The following EPS15 variants were observed in gnomAD, a reference collection of about 807,000 sequenced individuals.
EPS15 encodes epidermal growth factor receptor pathway substrate 15, also known as epidermal growth factor receptor substrate 15.
A neutral mutation model predicts 113.8 loss-of-function variants in EPS15; 72 were observed. That is an observed-to-expected ratio of 0.63 (90% CI 0.52 to 0.77). EPS15 has a LOEUF of 0.77. Ranked by LOEUF, EPS15 falls within the 30% of genes least tolerant of loss-of-function variation. The pLI, the probability that EPS15 is intolerant of heterozygous loss-of-function variation, is 0.00. For missense variants in EPS15, 1,048 were observed against 1,045.8 expected, an observed-to-expected ratio of 1.00 and a Z score of -0.03; for synonymous variants, 344 against 363.4, an observed-to-expected ratio of 0.95 and a Z score of 0.61.
intron 21 of EPS15, among the ~76,000 whole-genome samples, chr1:51,384,385 C>A (rs1277613549): frequency 2.1e-5 from 3 of 142,956 alleles, no homozygotes; most frequent in African/African-American, 7.9e-5. Flanking sequence ...ACTGTAATCT[C>A]TGCCTCCTCG....
chr1:51,414,507 G>T (rs572022504), intron 13 of EPS15, among the ~76,000 whole-genome samples: 8 of 151,908 alleles, frequency 5.3e-5, no homozygotes, highest in African/African-American at 1.9e-4. Context: ...ACAATATGCT[G>T]GTCCCAAAAG....
At position 51,356,454 on chromosome 1, in the gene EPS15, G is replaced by T; in HGVS notation, c.*246C>A. On this transcript the variant is annotated 3_prime_UTR_variant, in exon 25 of 25. Transcript: ENST00000371733. ...AGGCAGGCAAAAGCTCACAGTAAATGTATACCAGAACAGGGGCCTAAGTGA... is the reference window on the plus strand; with the variant it reads ...AGGCAGGCAAAAGCTCACAGTAAATTTATACCAGAACAGGGGCCTAAGTGA... The T allele has an allele frequency of 2.5e-6, 1 of 399,584 alleles. No individual in the cohort carries two copies. Among genetic ancestry groups the T allele is most frequent in the Non-Finnish European group, 4.4e-6 (1 of 224,790 alleles). The allele number at this position is 399,584 out of a possible 1,614,324, so 24.8% of individuals were successfully genotyped here. A position where few individuals can be genotyped will look rare whatever the true frequency, so the allele number is the denominator to read the frequency against.
chr1:51,505,048 A>C (rs951696034), intron 1 of EPS15, among the ~76,000 whole-genome samples: 2 of 151,918 alleles, frequency 1.3e-5, no homozygotes, highest in African/African-American at 4.8e-5. Flanking sequence ...TTAACCGAGG[A>C]GGCAGAGGTT....
At chr1:51,494,975 CCTA>C (rs1644299991) in intron 1 of EPS15, among the ~76,000 whole-genome samples, 1 of 152,176 alleles carries the variant, frequency 6.6e-6, no homozygotes, top group Non-Finnish European at 1.5e-5. Flanking sequence ...TTCTGGCAAA[CCTA>C]CTTTTAAACT....
At chr1:51,446,841 T>C in intron 10 of EPS15, 119 bp downstream of exon 10, 1 of 786,440 alleles carries the variant, frequency 1.3e-6, no homozygotes, top group Non-Finnish European at 2.0e-6. Flanking sequence ...TCTGATTTTC[T>C]CTATAAAAAA....
At chr1:51,494,309 T>C (rs1455662519) in intron 1 of EPS15, among the ~76,000 whole-genome samples, 1 of 152,202 alleles carries the variant, frequency 6.6e-6, no homozygotes, top group Admixed American at 6.5e-5. Context: ...TTATAATCCT[T>C]TGACCTCTAT....
intron 13 of EPS15, among the ~76,000 whole-genome samples, chr1:51,412,511 C>T (rs1422056901): frequency 6.6e-6 from 1 of 152,138 alleles, no homozygotes; most frequent in African/African-American, 2.4e-5. Context: ...CTTTCCAGTG[C>T]TAACATTCCG....
chr1:51,355,838 A>C lies in EPS15; in HGVS notation c.*862T>G. The stretch of plus-strand genomic sequence containing the variant: ...ACTAAACAGGACAGGGCCACGGCAA[A>C]GGCAGAATGGCTGCCATGTTAAGAC... On this transcript the variant is annotated 3_prime_UTR_variant, in exon 25 of 25. Transcript: ENST00000371733. 5.0e-6 allele frequency: 1 copy of C among 200,200 alleles called. No individual in the cohort carries two copies. Among genetic ancestry groups the C allele is most frequent in the Non-Finnish European group, 1.0e-5 (1 of 97,068 alleles). 12.4% of individuals were successfully genotyped at this position (200,200 alleles called of 1,614,324 possible). A position where few individuals can be genotyped will look rare whatever the true frequency, so the allele number is the denominator to read the frequency against.
At chr1:51,428,221 A>T (rs1651389905) in intron 12 of EPS15, among the ~76,000 whole-genome samples, 1 of 152,196 alleles carries the variant, frequency 6.6e-6, no homozygotes, top group Non-Finnish European at 1.5e-5. Context: ...TTACTTCTAG[A>T]TCTACCCTAC....
intron 13 of EPS15, among the ~76,000 whole-genome samples, chr1:51,414,955 C>A (rs1650071786): frequency 6.6e-6 from 1 of 152,060 alleles, no homozygotes; most frequent in African/African-American, 2.4e-5. Context: ...TCATACTTTT[C>A]TTCATTTTAC....
At chr1:51,482,469 T>C (rs1389388658) in intron 1 of EPS15, among the ~76,000 whole-genome samples, 1 of 152,144 alleles carries the variant, frequency 6.6e-6, no homozygotes, top group African/African-American at 2.4e-5. Context: ...AAGGGTTTCA[T>C]CTGCCATTGT....
In EPS15 at chr1:51,399,093, T is replaced by C. The variant is rs1648251985; in HGVS notation, c.1991A>G (p.Asp664Gly). The C allele has an allele frequency of 2.5e-6, 4 of 1,614,044 alleles. No individual in the cohort carries two copies. The highest frequency in any genetic ancestry group is 3.4e-6 in the Non-Finnish European group (4 of 1,179,924). Residue 664 changes from aspartate to glycine, a missense_variant, in exon 20 of 25, where the codon GAT becomes GGT. Asp to Gly is a moderately conservative substitution (Grantham distance 94). Coordinates refer to ENST00000371733, the MANE Select transcript of EPS15 (RefSeq NM_001981.3). ...ASDCFFRQST[D>G]PFATSSTDPF... is the part of the protein sequence containing the mutation. Reference sequence around the variant, plus strand: ...GTCAGTGCTTGAAGTGGCAAAAGGATCAGTAGATTGCCTGAAGAAACAGTC... The same window carrying C: ...GTCAGTGCTTGAAGTGGCAAAAGGACCAGTAGATTGCCTGAAGAAACAGTC...
chr1:51,503,591 G>T (rs567264097), intron 1 of EPS15, among the ~76,000 whole-genome samples: 1 of 152,058 alleles, frequency 6.6e-6, no homozygotes, highest in African/African-American at 2.4e-5. Flanking sequence ...GCAATGAGCC[G>T]AGTTTGCACC....
intron 22 of EPS15, 54 bp from the exon 23 acceptor site, chr1:51,364,082 T>A (rs1646451919): frequency 2.3e-6 from 3 of 1,308,062 alleles, no homozygotes; most frequent in Non-Finnish European, 3.2e-6. Flanking sequence ...ATTGTGGTAG[T>A]CATGTAGCAT....
At chr1:51,507,698 A>C (rs1250569978) in intron 1 of EPS15, among the ~76,000 whole-genome samples, 1 of 152,080 alleles carries the variant, frequency 6.6e-6, no homozygotes, top group East Asian at 1.9e-4. Flanking sequence ...AAAATGTTAC[A>C]TACATATATA....
chr1:51,426,900 CATAT>C (rs1651274089), intron 12 of EPS15, among the ~76,000 whole-genome samples: 1 of 148,850 alleles, frequency 6.7e-6, no homozygotes, highest in African/African-American at 2.5e-5. Context: ...CATATATATA[CATAT>C]ATACATACAT....
At chr1:51,506,707 G>A (rs1204364750) in intron 1 of EPS15, among the ~76,000 whole-genome samples, 2 of 151,512 alleles carry the variant, frequency 1.3e-5, no homozygotes, top group African/African-American at 4.9e-5. Flanking sequence ...AGAGAGTTAA[G>A]GTTTTGAGCT....
At chr1:51,371,009 G>C (rs980140056) in intron 21 of EPS15, among the ~76,000 whole-genome samples, 1 of 152,004 alleles carries the variant, frequency 6.6e-6, no homozygotes, top group Non-Finnish European at 1.5e-5. Flanking sequence ...TCCACCTCCC[G>C]GGTTAAAGCG....
intron 21 of EPS15, among the ~76,000 whole-genome samples, chr1:51,377,955 G>C (rs1343723795): frequency 3.3e-5 from 5 of 150,816 alleles, no homozygotes; most frequent in Non-Finnish European, 7.4e-5. Flanking sequence ...GAGTGTAATG[G>C]CACTATCTCA....
Sources: allele counts gnomAD v4.1 joint callset (sites outside exome capture counted in the v4.1 genomes callset), GRCh38; gene constraint gnomAD v4.1.1; transcripts MANE v1.5; gene names NCBI Gene and HGNC (gene_info 2026-07-23, HGNC 2026-07-21).